The following SCN1A variants were observed in gnomAD, a reference collection of about 807,000 sequenced individuals.
The protein encoded by SCN1A is sodium channel protein type 1 subunit alpha.
Under a neutral mutation model 193.7 loss-of-function variants are expected in SCN1A, and 13 were observed. That is an observed-to-expected ratio of 0.07 (90% CI 0.04 to 0.11). The LOEUF (loss-of-function observed/expected upper bound fraction) is 0.11. Ranked by LOEUF, SCN1A falls within the 10% of genes least tolerant of loss-of-function variation. The pLI is 1.00. For synonymous variants in SCN1A, 781 were observed against 843.6 expected (o/e 0.93, Z 1.29); for missense variants, 1,432 against 2,451.1 (o/e 0.58, Z 8.78).
intron 12 of SCN1A, among the ~76,000 whole-genome samples, chr2:166,046,487 G>A (rs1160212594): frequency 6.6e-6 from 1 of 152,098 alleles, no homozygotes; most frequent in Non-Finnish European, 1.5e-5. Flanking sequence ...TCTACTCATT[G>A]AATAAAAGTC....
chr2:166,010,198 T>C (rs1280547281), intron 22 of SCN1A, among the ~76,000 whole-genome samples: 6 of 151,118 alleles, frequency 4.0e-5, no homozygotes, highest in Admixed American at 1.3e-4. Flanking sequence ...CTGTTGAATT[T>C]AAGGCTTTTC....
intron 9 of SCN1A, among the ~76,000 whole-genome samples, chr2:166,050,987 C>T (rs1192400684): frequency 1.3e-5 from 2 of 151,792 alleles, no homozygotes; most frequent in Non-Finnish European, 2.9e-5. Context: ...GTTTCTGATA[C>T]ATTAAAGACA....
intron 10 of SCN1A, among the ~76,000 whole-genome samples, chr2:166,048,560 C>A (rs961414528): frequency 6.6e-6 from 1 of 152,000 alleles, no homozygotes; most frequent in Non-Finnish European, 1.5e-5. Context: ...TGCATAGTAT[C>A]CCATGATGTA....
chr2:166,062,830 G>A (rs1683452844), intron 4 of SCN1A, among the ~76,000 whole-genome samples: 1 of 150,300 alleles, frequency 6.7e-6, no homozygotes, highest in East Asian at 2.0e-4. Flanking sequence ...TTATAGTGAA[G>A]TATCTTAGCA....
At chr2:166,075,028 T>C (rs1319042938) in intron 3 of SCN1A, among the ~76,000 whole-genome samples, 2 of 152,140 alleles carry the variant, frequency 1.3e-5, no homozygotes, top group African/African-American at 2.4e-5. Context: ...TGTAAATCAA[T>C]GAAAACTGAA....
rs398123591 is a variant in SCN1A, at chr2:166,012,212, A to G, written c.3776T>C (p.Phe1259Ser). 6.2e-7 allele frequency: 1 copy of G among 1,610,548 alleles called. No individual in the cohort carries two copies. The change falls in exon 22 of 29, where the codon TTC becomes TCC. Residue 1259 changes from phenylalanine (F) to serine (S), a missense_variant. Physicochemically the swap from Phe to Ser is radical, Grantham distance 155 (BLOSUM62 -2). Coordinates refer to ENST00000674923, the MANE Select transcript of SCN1A (RefSeq NM_001165963.4). ...CATTTCCAGAATGAAAATGTAAGTG[A>G]AAACCTTGTCAGCATATTCCAACAT... ...KTMLEYADKV[F>S]TYIFILEMLL... is the part of the protein sequence containing the mutation.
chr2:166,017,892 A>G (rs1464093748), intron 19 of SCN1A, among the ~76,000 whole-genome samples: 1 of 152,052 alleles, frequency 6.6e-6, no homozygotes, highest in East Asian at 1.9e-4. Context: ...ACCAAGACTC[A>G]CAAAATAATA....
chr2:165,990,735 C>T lies in SCN1A; in HGVS notation c.*510G>A, dbSNP rs1212070459. On this transcript the variant is annotated 3_prime_UTR_variant, in exon 29 of 29. Coordinates refer to ENST00000674923, the MANE Select transcript of SCN1A (RefSeq NM_001165963.4). The stretch of plus-strand genomic sequence containing the variant: ...AGGGCCATGTGGTTGCCATACCCCC[C>T]AGGTGGCATACCTGTTATAGAGGTC... The T allele has an allele frequency of 6.3e-6, 1 of 158,258 alleles. No homozygotes were observed. The highest frequency in any genetic ancestry group is 1.9e-4 in the East Asian group (1 of 5,370). 9.8% of individuals were successfully genotyped at this position (158,258 alleles called of 1,614,324 possible).
intron 2 of SCN1A, among the ~76,000 whole-genome samples, chr2:166,089,035 A>G (rs1686465210): frequency 2.0e-5 from 3 of 152,198 alleles, no homozygotes; most frequent in Admixed American, 2.0e-4. Flanking sequence ...TATATTTACT[A>G]TACTTTAAGT....
intron 1 of SCN1A, among the ~76,000 whole-genome samples, chr2:166,138,213 A>G (rs1442648900): frequency 2.0e-5 from 3 of 152,202 alleles, no homozygotes; most frequent in African/African-American, 4.8e-5. Context: ...AGAAAATCCC[A>G]TTTTCTGAGG....
chr2:166,125,408 A>G (rs1691125510), intron 2 of SCN1A, among the ~76,000 whole-genome samples: 1 of 152,152 alleles, frequency 6.6e-6, no homozygotes, highest in Non-Finnish European at 1.5e-5. Context: ...TCCCCAGGCT[A>G]AATTTTGGAG....
chr2:166,008,137 C>T (rs1019635825), intron 23 of SCN1A, among the ~76,000 whole-genome samples: 21 of 151,170 alleles, frequency 1.4e-4, no homozygotes, highest in Admixed American at 6.6e-4. Context: ...GTTTCAAAAA[C>T]TAACCTCTTT....
chr2:166,030,495 C>CT (rs1229171008), intron 19 of SCN1A, among the ~76,000 whole-genome samples: 1 of 149,402 alleles, frequency 6.7e-6, no homozygotes, highest in African/African-American at 2.6e-5. Context: ...AGTAATGTGC[C>CT]TTTTTTGTTC....
chr2:166,054,703 A>G lies in SCN1A; in HGVS notation c.537T>C (p.Cys179=). ...SLIKIIARGF[C]LEDFTFLRDP... ...CCCGAAGGAAAGTAAAATCTTCTAA[A>G]CAGAATCCCCTTGCAATAATTTTTA... Residue 179 remains cysteine (C), a synonymous_variant, in exon 7 of 29, where the codon TGT becomes TGC. Coordinates refer to ENST00000674923, the MANE Select transcript of SCN1A (RefSeq NM_001165963.4). 6.2e-7 allele frequency: 1 copy of G among 1,612,012 alleles called. No homozygotes were observed. Among genetic ancestry groups the G allele is most frequent in the Non-Finnish European group, 8.5e-7 (1 of 1,178,592 alleles).
rs374501252 is a variant in SCN1A, at chr2:166,043,898, C to G, written c.1814G>C (p.Arg605Thr). 30 of 1,614,184 alleles carry G rather than the reference C, an allele frequency of 1.9e-5. No individual in the cohort carries two copies. In the African/African-American group the frequency reaches 2.8e-4, roughly 15 times the overall value. ...TCGTCGGGGCACAAACAAGGAATCT[C>G]TACGGCTCTCGTTATCCTCAAAGGT... ...HSTFEDNESR[R>T]DSLFVPRRHG... Residue 605 changes from arginine to threonine, a missense_variant, in exon 14 of 29, where the codon AGA becomes ACA. Physicochemically the swap from Arg to Thr is moderately conservative, Grantham distance 71 (BLOSUM62 -1). This residue lies in a region of SCN1A where 316 missense variants were observed against 362.1 expected (regional missense o/e 0.87). Transcript: ENST00000674923.
chr2:166,049,006 T>C, intron 9 of SCN1A, 57 bp from the exon 10 acceptor site: 2 of 1,080,374 alleles, frequency 1.9e-6, no homozygotes, highest in East Asian at 2.4e-5. Context: ...AACACTCAAA[T>C]GAGAACAGGA....
chr2:166,037,953 G>T lies in SCN1A; in HGVS notation c.2769C>A (p.Ile923=). Residue 923 remains isoleucine, a synonymous_variant, in exon 18 of 29, where the codon ATC becomes ATA. Coordinates refer to ENST00000674923, the MANE Select transcript of SCN1A (RefSeq NM_001165963.4). ...GKSYKDCVCK[I]ASDCQLPRWH... is the part of the protein sequence containing the mutation. ...AGCGTGGGAGTTGACAATCACTGGC[G>T]ATCTTGCAGACACAATCTTTGTAGC... 1 of 1,614,156 alleles carries T rather than the reference G, an allele frequency of 6.2e-7. No homozygotes were observed. The highest frequency in any genetic ancestry group is 1.3e-5 in the African/African-American group (1 of 75,034).
intron 14 of SCN1A, 31 bp from the exon 15 acceptor site, chr2:166,042,455 A>G: frequency 6.2e-7 from 1 of 1,609,668 alleles, no homozygotes; most frequent in South Asian, 1.1e-5. Context: ...GCATTAAACA[A>G]TTAATTTGAG....
chr2:165,996,362 A>G (rs1306688635), intron 26 of SCN1A: 1 of 345,256 alleles, frequency 2.9e-6, no homozygotes, highest in Non-Finnish European at 5.4e-6. Flanking sequence ...CCAAATCTCA[A>G]AAAGGTTAAG....
Sources: allele counts gnomAD v4.1 joint callset (sites outside exome capture counted in the v4.1 genomes callset), GRCh38; gene constraint gnomAD v4.1.1; regional missense constraint gnomAD v4.1.1; transcripts MANE v1.5; gene names NCBI Gene and HGNC (gene_info 2026-07-23, HGNC 2026-07-21).